The following CTSS variants were observed in gnomAD, a reference collection of about 807,000 sequenced individuals.
CTSS encodes the protein cathepsin S.
CTSS carries 15 observed loss-of-function variants against 39.9 expected under a neutral mutation model. The observed-to-expected ratio is 0.38, with a 90% CI of 0.25 to 0.58. CTSS has a LOEUF of 0.58. CTSS is among the 20% of genes least tolerant of loss of function. The pLI is 0.70. For missense variants in CTSS, 250 were observed against 398.2 expected (o/e 0.63, Z 3.17); for synonymous variants, 126 against 138.2 (o/e 0.91, Z 0.62).
At chr1:150,758,533 A>G (rs1653181802) in intron 2 of CTSS, among the ~76,000 whole-genome samples, 1 of 151,748 alleles carries the variant, frequency 6.6e-6, no homozygotes, top group Non-Finnish European at 1.5e-5. Context: ...AACATTTATT[A>G]TTATTATTAT....
At position 150,731,947 on chromosome 1, in the gene CTSS, C is replaced by G. The variant is rs1335363651; in HGVS notation, c.*1099G>C. The G allele has an allele frequency of 1.3e-5, 2 of 152,120 alleles. No individual in the cohort carries two copies. The highest frequency in any genetic ancestry group is 2.9e-5 in the Non-Finnish European group (2 of 68,048). 9.4% of individuals were successfully genotyped at this position (152,120 alleles called of 1,614,324 possible). On this transcript the variant is annotated 3_prime_UTR_variant, in exon 8 of 8. Coordinates refer to ENST00000368985, the MANE Select transcript of CTSS (RefSeq NM_004079.5). Reference sequence around the variant, plus strand: ...TTTAAGACAGGGTCTTGCTCTGTCACCCAGGCTGGAGTGCAGTGGTGCAAT... The same window carrying G: ...TTTAAGACAGGGTCTTGCTCTGTCAGCCAGGCTGGAGTGCAGTGGTGCAAT...
At chr1:150,744,878 T>TCAA (rs1311146979) in intron 7 of CTSS, among the ~76,000 whole-genome samples, 1 of 151,746 alleles carries the variant, frequency 6.6e-6, no homozygotes, top group Non-Finnish European at 1.5e-5. Flanking sequence ...GATTTGAATT[T>TCAA]CAACACTAAA....
chr1:150,748,008 A>G lies in CTSS; in HGVS notation c.794-129T>C, dbSNP rs995607811. 9.6e-6 allele frequency: 6 copies of G among 626,244 alleles called. No homozygotes were observed. The Admixed American group carries it at 1.6e-4, about 17-fold the overall frequency. 38.8% of individuals were successfully genotyped at this position (626,244 alleles called of 1,614,324 possible). ...AAGGTTAATTTAAAAAGTTAAGGAC[A>G]TGTCCAGGCATGGTGGCTCATGCCT... On this transcript the variant is annotated intron_variant, in intron 6 of 7. Transcript: ENST00000368985.
intron 7 of CTSS, among the ~76,000 whole-genome samples, chr1:150,747,124 T>C (rs374475811): frequency 1.3e-5 from 2 of 152,104 alleles, no homozygotes; most frequent in East Asian, 3.9e-4. Flanking sequence ...TAAGGTAAAA[T>C]TGGTTTGACT....
At position 150,764,681 on chromosome 1, in the gene CTSS, C is replaced by T; in HGVS notation, c.83G>A (p.Trp28Ter). ...GCCATAGGTTTTCTTCCAGAGATGC[C>T]AGTGGTGATCCAGGGTAGGATCTTT... ...LHKDPTLDHH[W>*]HLWKKTYGKQ... The change falls in exon 2 of 8, where the codon TGG (tryptophan) becomes TAG (stop). Residue 28 changes from tryptophan to a stop codon, truncating the protein, a stop_gained. Coordinates refer to ENST00000368985, the MANE Select transcript of CTSS (RefSeq NM_004079.5). LOFTEE classifies it high-confidence loss of function. The T allele has an allele frequency of 6.2e-7, 1 of 1,614,072 alleles. No individual in the cohort carries two copies. The highest frequency in any genetic ancestry group is 8.5e-7 in the Non-Finnish European group (1 of 1,179,984).
chr1:150,748,499 A>T lies in CTSS; in HGVS notation c.794-620T>A, dbSNP rs587679238. 1.9e-4 allele frequency among the ~76,000 whole-genome samples: 29 copies of T among 150,576 alleles called. 1 individual carries two copies. The highest frequency in any genetic ancestry group is 4.6e-4 in the Admixed American group (7 of 15,122). ...TTTCTAAGTATTTTTAAACTTGCAT[A>T]CAATCAGTTATTTTAATTCTCTGTG... On this transcript the variant is annotated intron_variant, in intron 6 of 7. Transcript: ENST00000368985.
intron 5 of CTSS, 142 bp downstream of exon 5, chr1:150,751,639 G>T: frequency 1.5e-6 from 1 of 675,510 alleles, no homozygotes; most frequent in African/African-American, 1.8e-5. Context: ...GAACTCTTGA[G>T]AATTTAAGAA....
At chr1:150,755,336 C>T (rs1008739573) in intron 3 of CTSS, among the ~76,000 whole-genome samples, 186 bp from the exon 4 acceptor site, 5 of 152,138 alleles carry the variant, frequency 3.3e-5, no homozygotes, top group East Asian at 3.8e-4. Context: ...CAAACCTGCA[C>T]GGCATGGTAC....
At chr1:150,735,441 CA>C (rs1461816007) in intron 7 of CTSS, among the ~76,000 whole-genome samples, 1 of 152,180 alleles carries the variant, frequency 6.6e-6, no homozygotes, top group East Asian at 1.9e-4. Context: ...CAGTCCTTCT[CA>C]AACATTTTCA....
intron 7 of CTSS, among the ~76,000 whole-genome samples, chr1:150,733,835 G>A (rs1328554946): frequency 6.6e-6 from 1 of 152,090 alleles, no homozygotes; most frequent in East Asian, 1.9e-4. Context: ...AGGCATGGTG[G>A]CATGCACCTG....
chr1:150,757,806 G>C, intron 3 of CTSS, 52 bp downstream of exon 3: 6 of 1,582,232 alleles, frequency 3.8e-6, no homozygotes, highest in Non-Finnish European at 4.3e-6. Flanking sequence ...GAGACAGAAA[G>C]GAAATGATAT....
chr1:150,751,011 G>T (rs1009426474), intron 5 of CTSS, among the ~76,000 whole-genome samples: 3 of 152,120 alleles, frequency 2.0e-5, no homozygotes, highest in African/African-American at 7.2e-5. Context: ...AGTGGTTAAG[G>T]TAGAAGGTTT....
At chr1:150,748,835 A>G (rs987016197) in intron 6 of CTSS, among the ~76,000 whole-genome samples, 1 of 152,236 alleles carries the variant, frequency 6.6e-6, no homozygotes, top group Non-Finnish European at 1.5e-5. Flanking sequence ...GCATGTGCTC[A>G]CATTGTGTCC....
rs1652507499 is a variant in CTSS, at chr1:150,730,962, T to A, written c.*2084A>T. Reference sequence around the variant, plus strand: ...TAGATTCCTTTGTAATCCTATATATTTTATGCATTTAAAAACATGATTTTA... The same window carrying A: ...TAGATTCCTTTGTAATCCTATATATATTATGCATTTAAAAACATGATTTTA... On this transcript the variant is annotated 3_prime_UTR_variant, in exon 8 of 8. Coordinates refer to ENST00000368985, the MANE Select transcript of CTSS (RefSeq NM_004079.5). The A allele has an allele frequency of 6.6e-6, 1 of 152,210 alleles. No homozygotes were observed. Among genetic ancestry groups the A allele is most frequent in the Non-Finnish European group, 1.5e-5 (1 of 68,036 alleles). The allele number at this position is 152,210 out of a possible 1,614,324, so 9.4% of individuals were successfully genotyped here.
In CTSS at chr1:150,764,633, T is replaced by C; in HGVS notation, c.126+5A>G. 3.7e-6 allele frequency: 6 copies of C among 1,614,070 alleles called. No homozygotes were observed. The highest frequency in any genetic ancestry group is 5.1e-6 in the Non-Finnish European group (6 of 1,179,940). On this transcript the variant is annotated splice_donor_5th_base_variant and intron_variant, in intron 2 of 7. Coordinates refer to ENST00000368985, the MANE Select transcript of CTSS (RefSeq NM_004079.5). Reference sequence around the variant, plus strand: ...GCATATCGCTCGAGTGGCAATCCAATCTACCTTTTCCTTGTATTGTTTGCC... The same window carrying C: ...GCATATCGCTCGAGTGGCAATCCAACCTACCTTTTCCTTGTATTGTTTGCC...
intron 7 of CTSS, among the ~76,000 whole-genome samples, chr1:150,741,249 T>C (rs1652750798): frequency 6.6e-6 from 1 of 152,160 alleles, no homozygotes. Flanking sequence ...CCTCCTGCCT[T>C]GGCCTCCCAA....
chr1:150,754,906 G>T, intron 4 of CTSS, 95 bp downstream of exon 4: 2 of 1,281,870 alleles, frequency 1.6e-6, no homozygotes, highest in Non-Finnish European at 2.2e-6. Flanking sequence ...AAAGTAACAC[G>T]TGGGACTGTA....
chr1:150,735,179 C>T (rs1016104250), intron 7 of CTSS, among the ~76,000 whole-genome samples: 24 of 152,144 alleles, frequency 1.6e-4, no homozygotes, highest in Admixed American at 4.6e-4. Context: ...GGCTCAGGGA[C>T]TCAAAGTTTG....
chr1:150,730,639 T>C lies in CTSS; in HGVS notation c.*2407A>G, dbSNP rs750134883. On this transcript the variant is annotated 3_prime_UTR_variant, in exon 8 of 8. Coordinates refer to ENST00000368985, the MANE Select transcript of CTSS (RefSeq NM_004079.5). ...AAATATTCAATATGTCAAAGTGCTGTATTTTGTGTAGGGTGTCCTGAACCC... is the reference window on the plus strand; with the variant it reads ...AAATATTCAATATGTCAAAGTGCTGCATTTTGTGTAGGGTGTCCTGAACCC... 28 of 152,198 alleles carry C rather than the reference T, an allele frequency of 1.8e-4. No homozygotes were observed. Among genetic ancestry groups the C allele is most frequent in the Non-Finnish European group, 3.7e-4 (25 of 68,028 alleles). The allele number at this position is 152,198 out of a possible 1,614,324, so 9.4% of individuals were successfully genotyped here.
Sources: gnomAD v4.1 joint callset for allele counts (sites outside exome capture counted in the v4.1 genomes callset) on GRCh38, gnomAD v4.1.1 for gene constraint, MANE v1.5 for transcripts, NCBI Gene and HGNC (gene_info 2026-07-23, HGNC 2026-07-21) for gene names.